Variants in NAV2 observed in about 807,000 individuals in gnomAD.
The protein encoded by NAV2 is helicase, APC down-regulated 1.
In NAV2, 54 loss-of-function variants were observed where a neutral mutation model predicts 223.2. The observed-to-expected ratio is 0.24, with a 90% CI of 0.19 to 0.30. The LOEUF is 0.30. Ranked by LOEUF, NAV2 falls within the 10% of genes least tolerant of loss-of-function variation. The pLI is 1.00. For synonymous variants in NAV2, 1,279 were observed against 1,239.3 expected, an observed-to-expected ratio of 1.03 and a Z score of -0.67; for missense variants, 2,806 against 3,147.5, an observed-to-expected ratio of 0.89 and a Z score of 2.60.
At chr11:19,971,728 C>G (rs1383109866) in intron 10 of NAV2, among the ~76,000 whole-genome samples, 1 of 152,180 alleles carries the variant, frequency 6.6e-6, no homozygotes, top group Non-Finnish European at 1.5e-5. Context: ...TGTTTTGAGA[C>G]AGTCTTGCTC....
chr11:19,791,038 T>C (rs1383076828), intron 1 of NAV2, among the ~76,000 whole-genome samples: 1 of 152,134 alleles, frequency 6.6e-6, no homozygotes, highest in African/African-American at 2.4e-5. Flanking sequence ...CCTAATATGA[T>C]AGATAAGGAA....
chr11:19,983,353 C>T (rs2050465987), intron 10 of NAV2, among the ~76,000 whole-genome samples: 1 of 152,180 alleles, frequency 6.6e-6, no homozygotes, highest in African/African-American at 2.4e-5. Context: ...CAGAAGACAG[C>T]TTTGTAGTAT....
intron 7 of NAV2, among the ~76,000 whole-genome samples, chr11:19,935,687 T>G (rs1044501382): frequency 2.0e-5 from 3 of 151,854 alleles, no homozygotes; most frequent in Admixed American, 2.0e-4. Context: ...TTTGTTCTGC[T>G]TGCATTCTCC....
chr11:20,051,453 A>G, intron 17 of NAV2, 120 bp downstream of exon 17: 1 of 854,428 alleles, frequency 1.2e-6, no homozygotes, highest in Non-Finnish European at 2.0e-6. Flanking sequence ...TGACCACCAC[A>G]GCAGGACCTT....
chr11:19,620,344 C>T (rs919057604), intron 1 of NAV2, among the ~76,000 whole-genome samples: 2 of 152,124 alleles, frequency 1.3e-5, no homozygotes, highest in African/African-American at 2.4e-5. Context: ...TATAAATTAC[C>T]TTGGGAAGAA....
chr11:19,744,048 A>C (rs2152470236), intron 1 of NAV2, among the ~76,000 whole-genome samples: 1 of 152,370 alleles, frequency 6.6e-6, no homozygotes, highest in East Asian at 1.9e-4. Flanking sequence ...ATGTTTTCAC[A>C]GAGATTATCT....
At chr11:20,105,777 C>CAGAGG in intron 35 of NAV2, 50 bp downstream of exon 35, 1 of 1,455,292 alleles carries the variant, frequency 6.9e-7, no homozygotes, top group South Asian at 1.2e-5. Context: ...CTCAGGTGCC[C>CAGAGG]ATCCTCTGGG....
At chr11:19,859,636 G>A (rs971227839) in intron 3 of NAV2, among the ~76,000 whole-genome samples, 5 of 152,032 alleles carry the variant, frequency 3.3e-5, no homozygotes, top group Non-Finnish European at 5.9e-5. Flanking sequence ...ATCATGGCCC[G>A]TTCTCAATGA....
chr11:20,075,918 G>A (rs1404478247), intron 22 of NAV2, among the ~76,000 whole-genome samples: 1 of 151,824 alleles, frequency 6.6e-6, no homozygotes, highest in Non-Finnish European at 1.5e-5. Context: ...CCCTCTTGCA[G>A]CCCACTGTGT....
intron 14 of NAV2, among the ~76,000 whole-genome samples, chr11:20,048,307 A>T (rs953521476): frequency 6.6e-6 from 1 of 152,250 alleles, no homozygotes; most frequent in Non-Finnish European, 1.5e-5. Context: ...TTGAGCTGTC[A>T]TAAACTGTGT....
chr11:19,707,677 T>C (rs1166490302), intron 1 of NAV2, among the ~76,000 whole-genome samples: 1 of 152,228 alleles, frequency 6.6e-6, no homozygotes, highest in Non-Finnish European at 1.5e-5. Flanking sequence ...AGTAAATACA[T>C]GAACCCATAA....
intron 26 of NAV2, among the ~76,000 whole-genome samples, chr11:20,085,778 G>A (rs2060395784): frequency 6.6e-6 from 1 of 152,210 alleles, no homozygotes; most frequent in Admixed American, 6.5e-5. Context: ...CAGCCAGTGG[G>A]CGTGGGGGTT....
At chr11:19,958,082 A>C (rs1310145652) in intron 10 of NAV2, among the ~76,000 whole-genome samples, 2 of 152,108 alleles carry the variant, frequency 1.3e-5, no homozygotes, top group African/African-American at 4.8e-5. Flanking sequence ...TGGGAGAAGG[A>C]AGTCTCAGGC....
chr11:19,935,851 GTTTT>G (rs765632685), intron 7 of NAV2, among the ~76,000 whole-genome samples: 1 of 52,702 alleles, frequency 1.9e-5, no homozygotes, highest in Non-Finnish European at 3.4e-5. Flanking sequence ...TTTTGTTTCT[GTTTT>G]TTTTTTTTTT....
chr11:19,647,323 A>G (rs1278595707), intron 1 of NAV2, among the ~76,000 whole-genome samples: 1 of 152,110 alleles, frequency 6.6e-6, no homozygotes, highest in African/African-American at 2.4e-5. Context: ...TAGTCCTCAG[A>G]TCATACCTAG....
At chr11:19,410,239 C>T (rs1455210206) in intron 1 of NAV2, among the ~76,000 whole-genome samples, 5 of 152,122 alleles carry the variant, frequency 3.3e-5, no homozygotes, top group African/African-American at 1.2e-4. Flanking sequence ...TCGCTTCCTC[C>T]TCTGGGCCCT....
intron 1 of NAV2, among the ~76,000 whole-genome samples, chr11:19,775,144 C>T (rs533153954): frequency 1.3e-5 from 2 of 152,234 alleles, no homozygotes; most frequent in East Asian, 3.9e-4. Context: ...ATTTGTCAAG[C>T]TTTATTTTTG....
chr11:19,909,449 C>CT (rs2043135555), intron 6 of NAV2, among the ~76,000 whole-genome samples: 4 of 152,162 alleles, frequency 2.6e-5, no homozygotes, highest in Non-Finnish European at 5.9e-5. Context: ...ATGCCTGAGA[C>CT]GTTTATCTTT....
chr11:19,571,760 T>G (rs1280200794), intron 1 of NAV2, among the ~76,000 whole-genome samples: 2 of 152,290 alleles, frequency 1.3e-5, no homozygotes, highest in African/African-American at 4.8e-5. Context: ...CGATTTTACT[T>G]TCATTAAAAA....
Sources: allele counts gnomAD v4.1 joint callset (sites outside exome capture counted in the v4.1 genomes callset), GRCh38; gene constraint gnomAD v4.1.1; transcripts MANE v1.5; gene names NCBI Gene and HGNC (gene_info 2026-07-23, HGNC 2026-07-21).